The following ODF2 variants were observed in gnomAD, a reference collection of about 807,000 sequenced individuals.
ODF2 encodes the protein outer dense fiber protein 2.
Under a neutral mutation model 110.2 loss-of-function variants are expected in ODF2, and 47 were observed. The ratio of observed to expected loss-of-function variants is 0.43; its 90% CI spans 0.34 to 0.54. The LOEUF is 0.54. Ranked by LOEUF, ODF2 falls within the 20% of genes least tolerant of loss-of-function variation. ODF2 has a pLI of 0.03. For synonymous variants in ODF2, 352 were observed against 397.7 expected, an observed-to-expected ratio of 0.89 and a Z score of 1.37; for missense variants, 812 against 1,054.5, an observed-to-expected ratio of 0.77 and a Z score of 3.19.
rs1202926785 is a variant in ODF2, at chr9:128,497,439, AAAAAAAAATATATATATATATAT to A, written c.2013-972_2013-950del. 296 of 95,680 alleles carry A rather than the reference AAAAAAAAATATATATATATATAT, an allele frequency of 3.1e-3. 13 individuals carry two copies. Among genetic ancestry groups the A allele is most frequent in the African/African-American group, 0.016 (274 of 17,496 alleles). 5.9% of individuals were successfully genotyped at this position (95,680 alleles called of 1,614,324 possible). A position where few individuals can be genotyped will look rare whatever the true frequency, so the allele number is the denominator to read the frequency against. On this transcript the variant is annotated intron_variant, in intron 18 of 20. Transcript: ENST00000604420. ...CGTCTCTACTAAAAAAAAAAAAAAA[AAAAAAAAATATATATATATATAT>A]ATATATATATATATATATATATATG...
intron 16 of ODF2, among the ~76,000 whole-genome samples, chr9:128,493,722 A>G (rs1410780753): frequency 6.6e-6 from 1 of 152,166 alleles, no homozygotes; most frequent in East Asian, 1.9e-4. Flanking sequence ...CTTAGACCAG[A>G]TATTTCTCCC....
At chr9:128,460,776 T>C (rs1200404777) in intron 3 of ODF2, 110 bp downstream of exon 3, 2 of 1,528,504 alleles carry the variant, frequency 1.3e-6, no homozygotes, top group Non-Finnish European at 1.8e-6. Flanking sequence ...ACACACTCTT[T>C]CGGAGGCCGG....
At chr9:128,469,632 T>G (rs192184727) in intron 5 of ODF2, among the ~76,000 whole-genome samples, 8 of 152,236 alleles carry the variant, frequency 5.3e-5, no homozygotes, top group Admixed American at 5.2e-4. Flanking sequence ...GCCAGTGGTG[T>G]TACTGTCCTC....
exon 8 of ODF2, chr9:128,473,699 C>A: frequency 6.2e-7 from 1 of 1,613,844 alleles, no homozygotes; most frequent in Middle Eastern, 1.7e-4. Flanking sequence ...AGGAGACCAA[C>A]CGCACCCTCC....
Position 128,494,180 on chromosome 9 carries a change from T to A in ODF2, c.1753-330T>A, listed in dbSNP as rs1845178020. On this transcript the variant is annotated intron_variant, in intron 16 of 20. Transcript: ENST00000604420. The surrounding 1 kb of genome is among the most constrained non-coding windows in gnomAD (Gnocchi z 4.6). ...ATGACTTAGCTCTCTTGATGCTTAC[T>A]ATACTTGTATGGGGACAGCATCACC... Among the ~76,000 whole-genome samples the A allele has an allele frequency of 6.6e-6, 1 of 152,178 alleles. No homozygotes were observed. The highest frequency in any genetic ancestry group is 1.5e-5 in the Non-Finnish European group (1 of 67,980).
chr9:128,465,064 G>A (rs1837497801), intron 4 of ODF2, among the ~76,000 whole-genome samples: 1 of 152,282 alleles, frequency 6.6e-6, no homozygotes, highest in African/African-American at 2.4e-5. Flanking sequence ...GACATGGGTT[G>A]CTAGGGGTAA....
chr9:128,482,309 G>C (rs527727055), intron 9 of ODF2, among the ~76,000 whole-genome samples: 2 of 152,204 alleles, frequency 1.3e-5, no homozygotes, highest in Non-Finnish European at 2.9e-5. Flanking sequence ...AGCAAGCTCG[G>C]CGATAATGCC....
intron 18 of ODF2, chr9:128,497,462 T>A (rs1420417869): frequency 1.4e-4 from 13 of 93,082 alleles, no homozygotes; most frequent in Middle Eastern, 5.1e-3. Context: ...TATATATATA[T>A]ATATATATAT....
chr9:128,461,141 C>G, intron 4 of ODF2, 74 bp downstream of exon 4: 3 of 1,551,592 alleles, frequency 1.9e-6, no homozygotes, highest in Non-Finnish European at 2.6e-6. Flanking sequence ...CGGTATGATT[C>G]AGGGTCAGCT....
chr9:128,471,646 T>G (rs1347096514), intron 6 of ODF2, among the ~76,000 whole-genome samples, 178 bp downstream of exon 6: 1 of 151,850 alleles, frequency 6.6e-6, no homozygotes, highest in African/African-American at 2.4e-5. Context: ...TGCTTATGAT[T>G]TGTACTATGA....
At chr9:128,475,406 A>G (rs1841046260) in intron 8 of ODF2, among the ~76,000 whole-genome samples, 1 of 152,236 alleles carries the variant, frequency 6.6e-6, no homozygotes, top group Non-Finnish European at 1.5e-5. Context: ...CGTACACAAT[A>G]TAGAATGGCT....
chr9:128,467,026 T>A (rs1352312979), intron 4 of ODF2, among the ~76,000 whole-genome samples: 1 of 67,316 alleles, frequency 1.5e-5, no homozygotes, highest in African/African-American at 7.3e-5. Flanking sequence ...TATATATATA[T>A]ATATATATAT....
intron 2 of ODF2, among the ~76,000 whole-genome samples, chr9:128,458,578 T>G (rs1835565555): frequency 6.7e-6 from 1 of 149,774 alleles, no homozygotes; most frequent in South Asian, 2.1e-4. Context: ...AGACTTTTGC[T>G]CTCTCTCTTT....
At chr9:128,492,851 C>G in intron 16 of ODF2, 46 bp downstream of exon 16, 2 of 1,501,104 alleles carry the variant, frequency 1.3e-6, no homozygotes, top group Non-Finnish European at 1.8e-6. Flanking sequence ...AATTCCATAT[C>G]TAACTCAATG....
chr9:128,476,929 G>T (rs1400380808), intron 8 of ODF2, among the ~76,000 whole-genome samples: 1 of 149,874 alleles, frequency 6.7e-6, no homozygotes, highest in African/African-American at 2.4e-5. Context: ...ATGAGCCACC[G>T]CGCCCGGCCT....
intron 17 of ODF2, among the ~76,000 whole-genome samples, chr9:128,495,093 A>G (rs1227058401): frequency 6.6e-6 from 1 of 152,240 alleles, no homozygotes; most frequent in Non-Finnish European, 1.5e-5. Context: ...GAAAGAAGCA[A>G]GCATCCCTTT....
downstream of ODF2, chr9:128,500,500 T>C (rs1365548657): frequency 3.1e-5 from 15 of 490,544 alleles, no homozygotes; most frequent in Admixed American, 5.2e-4. Flanking sequence ...AGGCCTTAAA[T>C]TTACTACTAC....
rs1053484161 is a variant in ODF2 at position 128,456,479 on chromosome 9, C to G, written c.-209+224C>G. ...ACGGGCGGTCGGCCGCCTCCTTCCT[C>G]TCTTGGCTACCACGGGGCTCTGCCC... On this transcript the variant is annotated intron_variant, in intron 1 of 20. Transcript: ENST00000604420. 11 of 1,525,092 alleles carry G rather than the reference C, an allele frequency of 7.2e-6. No homozygotes were observed. The African/African-American group carries it at 1.5e-4, about 21-fold the overall frequency. The allele number at this position is 1,525,092 out of a possible 1,614,324, so 94.5% of individuals were successfully genotyped here.
At chr9:128,496,535 G>C (rs10116341) in intron 18 of ODF2, among the ~76,000 whole-genome samples, 44,932 of 152,146 alleles carry the variant, frequency 0.3, 7,735 homozygotes, top group East Asian at 0.46. Flanking sequence ...TGATCTGACC[G>C]TTCTCTGTTA....
Sources: gnomAD v4.1 joint callset for allele counts (sites outside exome capture counted in the v4.1 genomes callset) on GRCh38, gnomAD v4.1.1 for gene constraint, Gnocchi (gnomAD v3.1) non-coding constraint, MANE v1.5 for transcripts, NCBI Gene and HGNC (gene_info 2026-07-23, HGNC 2026-07-21) for gene names.